The following KMT2C variants were observed in gnomAD, a reference collection of about 807,000 sequenced individuals.
The protein encoded by KMT2C is lysine methyltransferase 2C, also known as histone-lysine N-methyltransferase 2C.
Under a neutral mutation model 507.9 loss-of-function variants are expected in KMT2C, and 88 were observed. The observed-to-expected ratio is 0.17, with a 90% CI of 0.15 to 0.21. The LOEUF (loss-of-function observed/expected upper bound fraction) is 0.21, where lower values mean the gene tolerates loss of function less well. Among genes scored for constraint, KMT2C ranks in the 10% least tolerant of loss-of-function variants. The probability of loss-of-function intolerance (pLI) is 1.00; values close to 1 mark genes in which losing one functional copy is unlikely to be tolerated. For missense variants in KMT2C, 4,954 were observed against 5,957.8 expected (o/e 0.83, Z 5.55); for synonymous variants, 2,049 against 2,080.8 (o/e 0.98, Z 0.42).
chr7:152,296,218 C>T (rs950152958), intron 6 of KMT2C, among the ~76,000 whole-genome samples: 7 of 151,516 alleles, frequency 4.6e-5, no homozygotes, highest in Admixed American at 3.9e-4. Flanking sequence ...CACCTGAGGT[C>T]AGGAGTTCAA....
intron 1 of KMT2C, among the ~76,000 whole-genome samples, chr7:152,360,477 T>C (rs1296711541): frequency 6.7e-6 from 1 of 148,424 alleles, no homozygotes; most frequent in Non-Finnish European, 1.5e-5. Flanking sequence ...AAACTCTGTC[T>C]CAAAAAAAAA....
chr7:152,329,406 A>C (rs1216063711), intron 3 of KMT2C, among the ~76,000 whole-genome samples: 2 of 151,854 alleles, frequency 1.3e-5, no homozygotes, highest in African/African-American at 4.8e-5. Context: ...CTCTACCAAA[A>C]AAAAAGCTTA....
At chr7:152,261,587 A>T (rs559277691) in intron 9 of KMT2C, among the ~76,000 whole-genome samples, 326 of 152,210 alleles carry the variant, frequency 2.1e-3, no homozygotes, top group African/African-American at 7.5e-3. Flanking sequence ...AGCACAACTT[A>T]AAAAAAAGAT....
intron 1 of KMT2C, among the ~76,000 whole-genome samples, chr7:152,369,947 C>T (rs2097280543): frequency 6.6e-6 from 1 of 152,174 alleles, no homozygotes; most frequent in African/African-American, 2.4e-5. Context: ...TGCGGTGGCT[C>T]ATGCCTGTAA....
In KMT2C at chr7:152,152,862, G is replaced by A. The variant is rs2129097638; in HGVS notation, c.12369C>T (p.Ser4123=). The change falls in exon 49 of 59, where the codon TCC becomes TCT. Residue 4123 remains serine, a synonymous_variant. Transcript: ENST00000262189. ...TTCTGTGGCTACTGACCAAACCCATGGATGGGACATCTGGAGCACTGCTAA... is the reference window on the plus strand; with the variant it reads ...TTCTGTGGCTACTGACCAAACCCATAGATGGGACATCTGGAGCACTGCTAA... The part of the protein sequence containing the change: ...YEVSSAPDVP[S]MGLVSSHRIN... 1.2e-6 allele frequency: 2 copies of A among 1,614,178 alleles called. No individual in the cohort carries two copies. The highest frequency in any genetic ancestry group is 1.7e-6 in the Non-Finnish European group (2 of 1,180,026).
chr7:152,156,957 G>A (rs2092091943), intron 44 of KMT2C, among the ~76,000 whole-genome samples: 1 of 152,156 alleles, frequency 6.6e-6, no homozygotes, highest in Non-Finnish European at 1.5e-5. Flanking sequence ...AGTCTCTCAA[G>A]GAGAGACTTG....
intron 28 of KMT2C, 120 bp from the exon 29 acceptor site, chr7:152,194,688 G>T: frequency 1.5e-6 from 1 of 653,458 alleles, no homozygotes; most frequent in Non-Finnish European, 2.4e-6. Context: ...AATAAAGTCT[G>T]TAATTCTGAA....
intron 18 of KMT2C, among the ~76,000 whole-genome samples, chr7:152,228,022 A>G (rs2094987730): frequency 6.6e-6 from 1 of 152,250 alleles, no homozygotes; most frequent in South Asian, 2.1e-4. Flanking sequence ...CTGTAAAGTT[A>G]AAACAAGTTT....
intron 38 of KMT2C, among the ~76,000 whole-genome samples, chr7:152,175,514 GTGTC>G (rs1204706108): frequency 6.9e-6 from 1 of 144,420 alleles, no homozygotes; most frequent in Non-Finnish European, 1.5e-5. Flanking sequence ...TCCCCTCCCT[GTGTC>G]CATGTGTTCT....
chr7:152,299,779 T>C (rs1314734579), intron 6 of KMT2C, among the ~76,000 whole-genome samples: 2 of 151,872 alleles, frequency 1.3e-5, no homozygotes, highest in Non-Finnish European at 2.9e-5. Flanking sequence ...TTTTAGACCA[T>C]ATACATTTAA....
At chr7:152,213,162 T>C (rs888692548) in intron 23 of KMT2C, among the ~76,000 whole-genome samples, 1 of 152,232 alleles carries the variant, frequency 6.6e-6, no homozygotes, top group Non-Finnish European at 1.5e-5. Context: ...ACAGATTCAA[T>C]GCAATCCCTA....
intron 14 of KMT2C, among the ~76,000 whole-genome samples, chr7:152,240,720 T>C (rs1464086910): frequency 1.3e-5 from 2 of 152,196 alleles, no homozygotes; most frequent in African/African-American, 4.8e-5. Flanking sequence ...TTCAGTCCTC[T>C]CCCCCAACAC....
intron 1 of KMT2C, among the ~76,000 whole-genome samples, chr7:152,383,697 C>T (rs764194807): frequency 6.6e-6 from 1 of 152,234 alleles, no homozygotes; most frequent in African/African-American, 2.4e-5. Flanking sequence ...CTGCTTCTTA[C>T]TACATTTATT....
chr7:152,211,576 CAA>C (rs2094454820), intron 23 of KMT2C, among the ~76,000 whole-genome samples: 1 of 152,148 alleles, frequency 6.6e-6, no homozygotes, highest in African/African-American at 2.4e-5. Context: ...CAGTAAAAAC[CAA>C]GAGAGCACTT....
Position 152,177,921 on chromosome 7 carries a change from G to C in KMT2C, c.7532C>G (p.Ser2511Cys). 3.1e-6 allele frequency: 5 copies of C among 1,588,442 alleles called. No individual in the cohort carries two copies. Among genetic ancestry groups the C allele is most frequent in the Non-Finnish European group, 4.3e-6 (5 of 1,167,726 alleles). Reference protein sequence around the residue: ...PPQQIQGSGVSPQLRRSVSVD... With the variant: ...PPQQIQGSGVCPQLRRSVSVD... ...AGATACTGATCTTCTTAGCTGTGGAGAAACTCCAGATCCCTGTATTTGCTG... is the reference window on the plus strand; with the variant it reads ...AGATACTGATCTTCTTAGCTGTGGACAAACTCCAGATCCCTGTATTTGCTG... Residue 2511 changes from serine to cysteine, a missense_variant, in exon 38 of 59, where the codon TCT becomes TGT. By Grantham distance (112) the Ser-to-Cys change is moderately radical. This residue lies in a region of KMT2C where 1,689 missense variants were observed against 1,654.3 expected (regional missense o/e 1.02). Coordinates refer to ENST00000262189, the MANE Select transcript of KMT2C (RefSeq NM_170606.3).
At chr7:152,174,078 T>C in intron 39 of KMT2C, 53 bp downstream of exon 39, 1 of 934,440 alleles carries the variant, frequency 1.1e-6, no homozygotes, top group Non-Finnish European at 1.7e-6. Context: ...AAACTAGTAA[T>C]GATTTCATGA....
intron 2 of KMT2C, among the ~76,000 whole-genome samples, chr7:152,341,017 A>G (rs1219178039): frequency 1.3e-5 from 2 of 152,214 alleles, no homozygotes; most frequent in East Asian, 3.8e-4. Context: ...ATTTTTTGCA[A>G]TTAATAAAAG....
chr7:152,269,239 A>G (rs2129175554), intron 7 of KMT2C, among the ~76,000 whole-genome samples: 1 of 152,320 alleles, frequency 6.6e-6, no homozygotes, highest in Non-Finnish European at 1.5e-5. Flanking sequence ...TTTGATTACT[A>G]TGGATCATTG....
chr7:152,271,986 T>C (rs2095984249), intron 7 of KMT2C, among the ~76,000 whole-genome samples: 1 of 152,086 alleles, frequency 6.6e-6, no homozygotes, highest in Non-Finnish European at 1.5e-5. Flanking sequence ...CGTCTGGAGT[T>C]ATATATTTTT....
Sources: gnomAD v4.1 joint callset for allele counts (sites outside exome capture counted in the v4.1 genomes callset) on GRCh38, gnomAD v4.1.1 for gene constraint, gnomAD v4.1.1 regional missense constraint, MANE v1.5 for transcripts, NCBI Gene and HGNC (gene_info 2026-07-23, HGNC 2026-07-21) for gene names.